Variants in TMEM108 observed in about 807,000 individuals in gnomAD.
The protein encoded by TMEM108 is cancer/testis antigen 124.
Under a neutral mutation model 35.1 loss-of-function variants are expected in TMEM108, and 12 were observed. The observed-to-expected ratio is 0.34, with a 90% CI of 0.22 to 0.55. TMEM108 has a LOEUF of 0.55. Ranked by LOEUF, TMEM108 falls within the 20% of genes least tolerant of loss-of-function variation. The probability of loss-of-function intolerance (pLI) is 0.89; values close to 1 mark genes in which losing one functional copy is unlikely to be tolerated. For synonymous variants in TMEM108, 287 were observed against 308.6 expected (o/e 0.93, Z 0.73); for missense variants, 680 against 753.3 (o/e 0.90, Z 1.14).
rs1048928314 is a variant in TMEM108, at chr3:133,086,953, G to A, written c.-47+40933G>A. ...CAAAATGATTCAGAAAAATGCAGAT[G>A]TTTACAAATCCTATACTTGTCCCAG... On this transcript the variant is annotated intron_variant, in intron 2 of 5. Transcript: ENST00000321871. 2.6e-5 allele frequency among the ~76,000 whole-genome samples: 4 copies of A among 152,162 alleles called. No homozygotes were observed. The East Asian group carries it at 7.7e-4, about 29-fold the overall frequency.
At chr3:133,220,751 C>T (rs1401706315) in intron 2 of TMEM108, among the ~76,000 whole-genome samples, 1 of 152,078 alleles carries the variant, frequency 6.6e-6, no homozygotes, top group East Asian at 1.9e-4. Context: ...TTGGATCCTA[C>T]AGGTTAAGGG....
At chr3:133,079,453 A>G (rs893573626) in intron 2 of TMEM108, among the ~76,000 whole-genome samples, 3 of 152,158 alleles carry the variant, frequency 2.0e-5, no homozygotes, top group Middle Eastern at 3.2e-3. Context: ...GAAGTCCAAG[A>G]TCAAGGTGGC....
At chr3:133,216,966 A>G (rs922042062) in intron 2 of TMEM108, among the ~76,000 whole-genome samples, 3 of 152,096 alleles carry the variant, frequency 2.0e-5, no homozygotes, top group African/African-American at 7.2e-5. Flanking sequence ...TTGATGGATT[A>G]TGTGGTAGTT....
At chr3:133,238,389 G>A (rs1946268952) in intron 3 of TMEM108, among the ~76,000 whole-genome samples, 1 of 152,160 alleles carries the variant, frequency 6.6e-6, no homozygotes, top group African/African-American at 2.4e-5. Context: ...GTAGTTTTAA[G>A]AGCCACTGTT....
At chr3:133,150,762 A>C (rs1194796137) in intron 2 of TMEM108, among the ~76,000 whole-genome samples, 1 of 152,120 alleles carries the variant, frequency 6.6e-6, no homozygotes, top group Non-Finnish European at 1.5e-5. Context: ...ATGATGAGAG[A>C]AGTAGTCTGA....
intron 3 of TMEM108, among the ~76,000 whole-genome samples, chr3:133,377,247 A>G (rs1205159801): frequency 6.6e-6 from 1 of 152,210 alleles, no homozygotes; most frequent in Non-Finnish European, 1.5e-5. Context: ...TCAGTCCTTA[A>G]CAACACTTAA....
chr3:133,213,184 A>G (rs577428456), intron 2 of TMEM108, among the ~76,000 whole-genome samples: 1 of 152,212 alleles, frequency 6.6e-6, no homozygotes, highest in African/African-American at 2.4e-5. Context: ...TGTCTCTTGC[A>G]AATAACCAAA....
chr3:133,389,916 T>TTGATGATGATGATGATGA (rs33928925), intron 4 of TMEM108, among the ~76,000 whole-genome samples: 2 of 151,098 alleles, frequency 1.3e-5, no homozygotes, highest in African/African-American at 4.9e-5. Context: ...ACAGGATTTT[T>TTGATGATGATGATGATGA]TGATGATGAT....
At chr3:133,201,477 T>C (rs1945665071) in intron 2 of TMEM108, among the ~76,000 whole-genome samples, 1 of 142,342 alleles carries the variant, frequency 7.0e-6, no homozygotes, top group Admixed American at 7.0e-5. Context: ...CAGGCCCCCG[T>C]GTGTGATGTT....
At chr3:133,231,255 A>G (rs1445118870) in intron 3 of TMEM108, among the ~76,000 whole-genome samples, 1 of 152,160 alleles carries the variant, frequency 6.6e-6, no homozygotes, top group African/African-American at 2.4e-5. Flanking sequence ...TTTAATTTGG[A>G]TAAAAAATCA....
In TMEM108 at chr3:133,224,845, A is replaced by G. The variant is rs376453227; in HGVS notation, c.-46-4421A>G. On this transcript the variant is annotated intron_variant, in intron 2 of 5. Transcript: ENST00000321871. Reference sequence around the variant, plus strand: ...AGCAATGAAAAATTAAATATTAGACATCTTAACATTCATGGGGCATCTCCT... The same window carrying G: ...AGCAATGAAAAATTAAATATTAGACGTCTTAACATTCATGGGGCATCTCCT... Among the ~76,000 whole-genome samples, 187 of 119,004 alleles carry G rather than the reference A, an allele frequency of 1.6e-3. 4 individuals carry two copies. The South Asian group carries it at 0.041, about 26-fold the overall frequency. 78.1% of individuals were successfully genotyped at this position (119,004 alleles called of 152,430 possible).
At position 133,213,514 on chromosome 3, in the gene TMEM108, T is replaced by C. The variant is rs77656436; in HGVS notation, c.-46-15752T>C. Among the ~76,000 whole-genome samples, 40 of 152,320 alleles carry C rather than the reference T, an allele frequency of 2.6e-4. 1 individual carries two copies. The East Asian group carries it at 7.1e-3, about 27-fold the overall frequency. On this transcript the variant is annotated intron_variant, in intron 2 of 5. Coordinates refer to ENST00000321871, the MANE Select transcript of TMEM108 (RefSeq NM_023943.4). ...GGAGTAGCCAAACAAGAGTATTCTG[T>C]TCATATTCTATAAAACTGCTATTGA... is the stretch of plus-strand genomic sequence containing the variant.
chr3:133,247,547 G>A (rs977143071), intron 3 of TMEM108: 1 of 151,796 alleles, frequency 6.6e-6, no homozygotes, highest in Non-Finnish European at 1.5e-5. Flanking sequence ...TCATTAAGAT[G>A]CCACCTGTCT....
chr3:133,235,413 C>G (rs1257605489), intron 3 of TMEM108, among the ~76,000 whole-genome samples: 1 of 152,132 alleles, frequency 6.6e-6, no homozygotes, highest in Non-Finnish European at 1.5e-5. Flanking sequence ...AGATATAGAT[C>G]AGTGGAACAG....
chr3:133,230,165 C>A lies in TMEM108; in HGVS notation c.40+814C>A, dbSNP rs113074011. ...GTTCTTGCTAAGGTAAATGAAGTAC[C>A]TATCTTTCCTAGGCTGAGTGGCTCC... On this transcript the variant is annotated intron_variant, in intron 3 of 5. Transcript: ENST00000321871. Among the ~76,000 whole-genome samples the A allele has an allele frequency of 2.2e-3, 329 of 152,278 alleles. 1 individual carries two copies. The highest frequency in any genetic ancestry group is 7.7e-3 in the African/African-American group (320 of 41,560).
intron 3 of TMEM108, among the ~76,000 whole-genome samples, chr3:133,377,894 A>G (rs1194235584): frequency 6.6e-6 from 1 of 152,188 alleles, no homozygotes; most frequent in Non-Finnish European, 1.5e-5. Flanking sequence ...CACAAACCCT[A>G]TTGTGAACTG....
Position 133,058,569 on chromosome 3 carries a change from A to G in TMEM108, c.-47+12549A>G, listed in dbSNP as rs555112481. Reference sequence around the variant, plus strand: ...GGCTACTCCCGTGCCTACAGGCCCTATTGCCCTGGTTGGAAGGGATGGGGT... The same window carrying G: ...GGCTACTCCCGTGCCTACAGGCCCTGTTGCCCTGGTTGGAAGGGATGGGGT... On this transcript the variant is annotated intron_variant, in intron 2 of 5. Coordinates refer to ENST00000321871, the MANE Select transcript of TMEM108 (RefSeq NM_023943.4). 8.5e-5 allele frequency among the ~76,000 whole-genome samples: 13 copies of G among 152,252 alleles called. No individual in the cohort carries two copies. The South Asian group carries it at 2.3e-3, about 27-fold the overall frequency.
intron 2 of TMEM108, among the ~76,000 whole-genome samples, chr3:133,131,719 T>A (rs557010812): frequency 6.6e-6 from 1 of 151,990 alleles, no homozygotes; most frequent in African/African-American, 2.4e-5. Flanking sequence ...GTTGAAAGCC[T>A]AAAGGCCAAA....
intron 2 of TMEM108, among the ~76,000 whole-genome samples, chr3:133,227,519 G>C (rs112568871): frequency 1.5e-3 from 225 of 151,576 alleles, no homozygotes; most frequent in Non-Finnish European, 1.9e-3. Context: ...AACCATGGTA[G>C]AGTGTCTGTG....
Sources: gnomAD v4.1 joint callset for allele counts (sites outside exome capture counted in the v4.1 genomes callset) on GRCh38, gnomAD v4.1.1 for gene constraint, MANE v1.5 for transcripts, NCBI Gene and HGNC (gene_info 2026-07-23, HGNC 2026-07-21) for gene names.